RFTN2: variants seen among roughly 807,000 people sequenced by gnomAD.
RFTN2 encodes raftlin family member 2, also known as raftlin-2.
In RFTN2, 34 loss-of-function variants were observed where a neutral mutation model predicts 52.7. That is an observed-to-expected ratio of 0.64 (90% CI 0.49 to 0.86). The LOEUF is 0.86. RFTN2 is among the 40% of genes least tolerant of loss of function. The pLI is 0.00. For missense variants in RFTN2, 536 were observed against 600.1 expected, an observed-to-expected ratio of 0.89 and a Z score of 1.12; for synonymous variants, 203 against 217.7, an observed-to-expected ratio of 0.93 and a Z score of 0.59.
intron 6 of RFTN2, among the ~76,000 whole-genome samples, chr2:197,616,263 A>C (rs539804275): frequency 3.9e-5 from 1 of 25,556 alleles, no homozygotes; most frequent in African/African-American, 1.7e-4. Flanking sequence ...GGAGCTGGGA[A>C]TCTGCATTTT....
At chr2:197,634,369 A>G (rs1374549102) in intron 3 of RFTN2, among the ~76,000 whole-genome samples, 1 of 152,178 alleles carries the variant, frequency 6.6e-6, no homozygotes, top group Non-Finnish European at 1.5e-5. Context: ...ATTCCTAAAA[A>G]TAACATTACC....
chr2:197,618,812 A>T (rs1290095826), intron 5 of RFTN2, among the ~76,000 whole-genome samples: 1 of 136,980 alleles, frequency 7.3e-6, no homozygotes, highest in African/African-American at 2.8e-5. Flanking sequence ...CTGCCTGGCA[A>T]CCGCCCCGTC....
intron 7 of RFTN2, among the ~76,000 whole-genome samples, chr2:197,607,045 G>A (rs2087973026): frequency 6.6e-6 from 1 of 152,090 alleles, no homozygotes; most frequent in Admixed American, 6.5e-5. Flanking sequence ...GTTTATTGTG[G>A]GACTATTCAC....
At chr2:197,618,547 A>C (rs1432145409) in intron 5 of RFTN2, among the ~76,000 whole-genome samples, 1 of 145,680 alleles carries the variant, frequency 6.9e-6, no homozygotes, top group Non-Finnish European at 1.5e-5. Context: ...CTGGCCGCCC[A>C]TCGTCTGGGA....
At position 197,570,788 on chromosome 2, in the gene RFTN2, A is replaced by G. The variant is rs1009072442; in HGVS notation, c.*1220T>C. 1 of 152,272 alleles carries G rather than the reference A, an allele frequency of 6.6e-6. No homozygotes were observed. Among genetic ancestry groups the G allele is most frequent in the African/African-American group, 2.4e-5 (1 of 41,474 alleles). The allele number at this position is 152,272 out of a possible 1,614,324, so 9.4% of individuals were successfully genotyped here. ...TATTATATGAATATTTGTGTTCAATAAAACAATAACACAATAAAAATGATG... is the reference window on the plus strand; with the variant it reads ...TATTATATGAATATTTGTGTTCAATGAAACAATAACACAATAAAAATGATG... On this transcript the variant is annotated 3_prime_UTR_variant, in exon 9 of 9. Coordinates refer to ENST00000295049, the MANE Select transcript of RFTN2 (RefSeq NM_144629.3).
At chr2:197,598,039 A>G (rs2087820096) in intron 7 of RFTN2, among the ~76,000 whole-genome samples, 1 of 152,136 alleles carries the variant, frequency 6.6e-6, no homozygotes, top group African/African-American at 2.4e-5. Context: ...GGACAGCAGG[A>G]CATGGTGGTT....
At chr2:197,600,165 C>T (rs764938385) in intron 7 of RFTN2, among the ~76,000 whole-genome samples, 39 of 152,094 alleles carry the variant, frequency 2.6e-4, no homozygotes, top group Non-Finnish European at 4.4e-4. Context: ...GGCCTAAGCA[C>T]GAGCTTTAAA....
At chr2:197,633,666 T>G in intron 4 of RFTN2, 52 bp downstream of exon 4, 1 of 1,471,892 alleles carries the variant, frequency 6.8e-7, no homozygotes, top group Non-Finnish European at 9.2e-7. Context: ...CCTCAAAAAC[T>G]TATTTTGCTT....
At chr2:197,618,355 C>T (rs1483006258) in intron 5 of RFTN2, among the ~76,000 whole-genome samples, 1 of 152,124 alleles carries the variant, frequency 6.6e-6, no homozygotes, top group South Asian at 2.1e-4. Context: ...CCCGAGGTGC[C>T]GGGATTGCAG....
intron 1 of RFTN2, among the ~76,000 whole-genome samples, chr2:197,673,926 G>A (rs1486895953): frequency 6.6e-6 from 1 of 152,162 alleles, no homozygotes; most frequent in Non-Finnish European, 1.5e-5. Context: ...AGGAGAGTAT[G>A]TGTCTGTCTC....
At chr2:197,597,351 A>C (rs1385311339) in intron 7 of RFTN2, among the ~76,000 whole-genome samples, 3 of 152,186 alleles carry the variant, frequency 2.0e-5, no homozygotes, top group Non-Finnish European at 2.9e-5. Flanking sequence ...GGGCGGGATT[A>C]GCATGTGTAC....
intron 6 of RFTN2, among the ~76,000 whole-genome samples, chr2:197,616,462 TA>T (rs909629252): frequency 6.6e-6 from 1 of 151,844 alleles, no homozygotes; most frequent in Non-Finnish European, 1.5e-5. Flanking sequence ...TGGTTAATTT[TA>T]AAATTTTTTG....
chr2:197,586,520 A>AATTAGCT (rs2087601340), intron 8 of RFTN2, among the ~76,000 whole-genome samples: 1 of 152,200 alleles, frequency 6.6e-6, no homozygotes. Flanking sequence ...GCACATGCAC[A>AATTAGCT]TTAATTTTCC....
intron 8 of RFTN2, among the ~76,000 whole-genome samples, chr2:197,583,984 C>T (rs1157130602): frequency 6.6e-6 from 1 of 151,968 alleles, no homozygotes; most frequent in Non-Finnish European, 1.5e-5. Flanking sequence ...GCATAGTATT[C>T]CATGGTGTAT....
intron 1 of RFTN2, among the ~76,000 whole-genome samples, chr2:197,651,681 C>T (rs1471731296): frequency 6.6e-6 from 1 of 152,052 alleles, no homozygotes; most frequent in African/African-American, 2.4e-5. Context: ...TGTCATGAAG[C>T]TTTTCTTCTG....
intron 3 of RFTN2, among the ~76,000 whole-genome samples, chr2:197,638,783 TG>T (rs2088611553): frequency 8.4e-6 from 1 of 119,660 alleles, no homozygotes. Flanking sequence ...CCTGTCATTA[TG>T]ATGTTAGCTG....
At chr2:197,593,646 T>A (rs2087750824) in intron 8 of RFTN2, among the ~76,000 whole-genome samples, 1 of 151,972 alleles carries the variant, frequency 6.6e-6, no homozygotes, top group Non-Finnish European at 1.5e-5. Context: ...CCCAGCACTG[T>A]GGGAGGCCGA....
In RFTN2 at chr2:197,572,304, C is replaced by T. The variant is rs201959746; in HGVS notation, c.1234-24G>A. On this transcript the variant is annotated intron_variant, in intron 8 of 8. Transcript: ENST00000295049. ...TTCTGAAACACAAGACATTGGTGAC[C>T]AGGAGAGTTAAAAAGATGGGTGTTT... 131 of 1,608,448 alleles carry T rather than the reference C, an allele frequency of 8.1e-5. No homozygotes were observed. The highest frequency in any genetic ancestry group is 1.0e-4 in the Non-Finnish European group (123 of 1,175,426).
intron 5 of RFTN2, 118 bp from the exon 6 acceptor site, chr2:197,618,039 C>T (rs1347652980): frequency 5.7e-6 from 4 of 706,456 alleles, no homozygotes; most frequent in African/African-American, 3.9e-5. Flanking sequence ...AATTAAAAAA[C>T]ATTTGTTGCC....
Sources: gnomAD v4.1 joint callset for allele counts (sites outside exome capture counted in the v4.1 genomes callset) on GRCh38, gnomAD v4.1.1 for gene constraint, MANE v1.5 for transcripts, NCBI Gene and HGNC (gene_info 2026-07-23, HGNC 2026-07-21) for gene names.